The following HOOK1 variants were observed in gnomAD, a reference collection of about 807,000 sequenced individuals.
HOOK1 encodes the protein protein Hook homolog 1.
A neutral mutation model predicts 112.8 loss-of-function variants in HOOK1; 60 were observed. That is an observed-to-expected ratio of 0.53 (90% CI 0.43 to 0.66). The LOEUF is 0.66. HOOK1 is among the 30% of genes least tolerant of loss of function. The pLI, the probability that HOOK1 is intolerant of heterozygous loss-of-function variation, is 0.00. For missense variants in HOOK1, 770 were observed against 856.0 expected, an observed-to-expected ratio of 0.90 and a Z score of 1.25; for synonymous variants, 294 against 283.8, an observed-to-expected ratio of 1.04 and a Z score of -0.36.
rs1020888104 is a variant in HOOK1 at position 59,872,549 on chromosome 1, T to C, written c.2017-246T>C. Among the ~76,000 whole-genome samples, 3 of 152,182 alleles carry C rather than the reference T, an allele frequency of 2.0e-5. No individual in the cohort carries two copies. The East Asian group carries it at 5.8e-4, about 29-fold the overall frequency. On this transcript the variant is annotated intron_variant, in intron 21 of 21. Transcript: ENST00000371208. ...ATAATTAAGTCTAATTCCAGGCCAT[T>C]CTTTTAAGTTACTGTTTTAAATAAT...
intron 2 of HOOK1, among the ~76,000 whole-genome samples, chr1:59,826,549 A>C (rs2098390067): frequency 6.6e-6 from 1 of 152,198 alleles, no homozygotes; most frequent in Non-Finnish European, 1.5e-5. Flanking sequence ...TGTAAGACAA[A>C]AGGAATTATC....
At chr1:59,849,821 GC>G (rs2098406187) in intron 12 of HOOK1, among the ~76,000 whole-genome samples, 1 of 151,526 alleles carries the variant, frequency 6.6e-6, no homozygotes, top group Admixed American at 6.6e-5. Context: ...GCCGAATAAT[GC>G]CCCATTGTAT....
Position 59,872,779 on chromosome 1 carries a change from T to G in HOOK1, c.2017-16T>G, listed in dbSNP as rs1559065572. ...TTAGTCATGTTAAATAAAAAATATA[T>G]GTTTTTTTTTTTCAGAGTCTAGCAT... On this transcript the variant is annotated splice_polypyrimidine_tract_variant and intron_variant, in intron 21 of 21. Coordinates refer to ENST00000371208, the MANE Select transcript of HOOK1 (RefSeq NM_015888.6). 2.2e-6 allele frequency: 3 copies of G among 1,373,972 alleles called. No homozygotes were observed. The allele number at this position is 1,373,972 out of a possible 1,614,324, so 85.1% of individuals were successfully genotyped here. A position where few individuals can be genotyped will look rare whatever the true frequency, so the allele number is the denominator to read the frequency against.
At chr1:59,868,006 A>C (rs1385815821) in intron 19 of HOOK1, among the ~76,000 whole-genome samples, 1 of 152,070 alleles carries the variant, frequency 6.6e-6, no homozygotes, top group African/African-American at 2.4e-5. Context: ...AGCCTTGGAG[A>C]AGGGAAATTT....
intron 17 of HOOK1, 170 bp downstream of exon 17, chr1:59,864,836 C>A: frequency 1.7e-6 from 1 of 578,708 alleles, no homozygotes; most frequent in Non-Finnish European, 3.1e-6. Flanking sequence ...CCCTACTACC[C>A]CCGTTCCAAA....
intron 15 of HOOK1, among the ~76,000 whole-genome samples, chr1:59,862,416 A>G (rs527965407): frequency 6.6e-6 from 1 of 152,280 alleles, no homozygotes; most frequent in East Asian, 1.9e-4. Context: ...ACGCTGTGAA[A>G]TCTGAAACAG....
chr1:59,831,624 A>T (rs190076448), intron 3 of HOOK1, among the ~76,000 whole-genome samples: 4 of 152,252 alleles, frequency 2.6e-5, no homozygotes, highest in African/African-American at 9.6e-5. Context: ...GCCTTCCTGA[A>T]CTTCTAATGT....
At chr1:59,868,496 A>T (rs1236777313) in intron 20 of HOOK1, 145 bp downstream of exon 20, 5 of 648,842 alleles carry the variant, frequency 7.7e-6, no homozygotes, top group Non-Finnish European at 2.8e-6. Context: ...ATTACAAAGC[A>T]TCTCACTGGC....
Position 59,864,681 on chromosome 1 carries a change from T to C in HOOK1, c.1661+15T>C. 1.4e-6 allele frequency: 2 copies of C among 1,468,686 alleles called. No individual in the cohort carries two copies. Among genetic ancestry groups the C allele is most frequent in the Non-Finnish European group, 1.9e-6 (2 of 1,058,492 alleles). 91.0% of individuals were successfully genotyped at this position (1,468,686 alleles called of 1,614,324 possible). On this transcript the variant is annotated intron_variant, in intron 17 of 21. Transcript: ENST00000371208. ...GAAGCTCATATGTAAGTAAAACTGATATTTCTTTTCAAATATGAGAAGGGA... is the reference window on the plus strand; with the variant it reads ...GAAGCTCATATGTAAGTAAAACTGACATTTCTTTTCAAATATGAGAAGGGA...
At chr1:59,855,239 A>G (rs1319731745) in intron 12 of HOOK1, among the ~76,000 whole-genome samples, 3 of 152,326 alleles carry the variant, frequency 2.0e-5, no homozygotes, top group African/African-American at 7.2e-5. Context: ...TCAACCAGGT[A>G]TTAAGCCCAG....
chr1:59,871,410 G>A lies in HOOK1; in HGVS notation c.2016+300G>A, dbSNP rs1335005118. On this transcript the variant is annotated intron_variant, in intron 21 of 21. Coordinates refer to ENST00000371208, the MANE Select transcript of HOOK1 (RefSeq NM_015888.6). ...ACCTTTTTAAAATTGCCTTATTTGAGCTGAAACACTCAATTTTTGCCCATA... is the reference window on the plus strand; with the variant it reads ...ACCTTTTTAAAATTGCCTTATTTGAACTGAAACACTCAATTTTTGCCCATA... Among the ~76,000 whole-genome samples, 5 of 152,142 alleles carry A rather than the reference G, an allele frequency of 3.3e-5. No individual in the cohort carries two copies. In the East Asian group the frequency reaches 9.6e-4, roughly 29 times the overall value.
At position 59,835,371 on chromosome 1, in the gene HOOK1, G is replaced by A. The variant is rs768278888; in HGVS notation, c.433G>A (p.Glu145Lys). 8 of 1,590,326 alleles carry A rather than the reference G, an allele frequency of 5.0e-6. No homozygotes were observed. The South Asian group carries it at 8.9e-5, about 18-fold the overall frequency. The change falls in exon 6 of 22, where the codon GAA becomes AAA. Residue 145 changes from glutamate to lysine, a missense_variant. This residue lies in a region of HOOK1 where 655 missense variants were observed against 725.9 expected (regional missense o/e 0.90). Transcript: ENST00000371208. Reference sequence around the variant, plus strand: ...ACATATTCAAAATATAATGACACTGGAAGAGTCTGTTCAACATGTGGTCAT... The same window carrying A: ...ACATATTCAAAATATAATGACACTGAAAGAGTCTGTTCAACATGTGGTCAT... ...QEHIQNIMTL[E>K]ESVQHVVMTA...
chr1:59,843,089 C>G (rs1301526394), intron 8 of HOOK1, among the ~76,000 whole-genome samples: 1 of 151,670 alleles, frequency 6.6e-6, no homozygotes, highest in African/African-American at 2.4e-5. Context: ...TAGTTTATAC[C>G]TAAAAGAGGA....
chr1:59,875,893 C>CT lies in HOOK1; in HGVS notation c.*2929dup, dbSNP rs1644121215. ...AGTATTCCTCATTATGTCATCATTT[C>CT]TGATAATTAGAGTGCTAATTTGAAT... On this transcript the variant is annotated 3_prime_UTR_variant, in exon 22 of 22. Transcript: ENST00000371208. 1 of 152,494 alleles carries CT rather than the reference C, an allele frequency of 6.6e-6. No homozygotes were observed. The highest frequency in any genetic ancestry group is 2.1e-4 in the South Asian group (1 of 4,822). 9.4% of individuals were successfully genotyped at this position (152,494 alleles called of 1,614,324 possible).
rs1490855551 is a variant in HOOK1, at chr1:59,875,512, A to G, written c.*2547A>G. On this transcript the variant is annotated 3_prime_UTR_variant, in exon 22 of 22. Transcript: ENST00000371208. ...GACACCCTGTGGGTGGTAAAGCATT[A>G]TAAACATTTCATCTTGAACCATGAT... is the stretch of plus-strand genomic sequence containing the variant. 1 of 152,660 alleles carries G rather than the reference A, an allele frequency of 6.6e-6. No individual in the cohort carries two copies. Among genetic ancestry groups the G allele is most frequent in the Non-Finnish European group, 1.5e-5 (1 of 68,018 alleles). The allele number at this position is 152,660 out of a possible 1,614,324, so 9.5% of individuals were successfully genotyped here. A position where few individuals can be genotyped will look rare whatever the true frequency, so the allele number is the denominator to read the frequency against.
At chr1:59,823,643 A>C (rs1443644106) in intron 2 of HOOK1, among the ~76,000 whole-genome samples, 1 of 152,194 alleles carries the variant, frequency 6.6e-6, no homozygotes, top group African/African-American at 2.4e-5. Flanking sequence ...GAATACAATC[A>C]AAAGAAACCT....
intron 12 of HOOK1, 23 bp downstream of exon 12, chr1:59,849,206 A>G (rs778660455): frequency 6.8e-7 from 1 of 1,467,128 alleles, no homozygotes; most frequent in Non-Finnish European, 9.5e-7. Flanking sequence ...ATAATTGATA[A>G]GGAATATTTC....
chr1:59,872,080 A>AT (rs1158170022), intron 21 of HOOK1, among the ~76,000 whole-genome samples: 1 of 152,016 alleles, frequency 6.6e-6, no homozygotes, highest in East Asian at 1.9e-4. Flanking sequence ...TGATTGATTC[A>AT]TTTTTTTCAG....
chr1:59,869,431 A>G (rs544825718), intron 20 of HOOK1, among the ~76,000 whole-genome samples: 6 of 152,220 alleles, frequency 3.9e-5, no homozygotes, highest in African/African-American at 1.4e-4. Context: ...ACCTCAAGTG[A>G]TCTGCTCTCC....
Sources: gnomAD v4.1 joint callset for allele counts (sites outside exome capture counted in the v4.1 genomes callset) on GRCh38, gnomAD v4.1.1 for gene constraint, gnomAD v4.1.1 regional missense constraint, MANE v1.5 for transcripts, NCBI Gene and HGNC (gene_info 2026-07-23, HGNC 2026-07-21) for gene names.